The following TRAPPC9 variants were observed in gnomAD, a reference collection of about 807,000 sequenced individuals.
The protein encoded by TRAPPC9 is trafficking protein particle complex subunit 9, also known as IKK2 binding protein.
Under a neutral mutation model 124.0 loss-of-function variants are expected in TRAPPC9, and 83 were observed. That is an observed-to-expected ratio of 0.67 (90% CI 0.56 to 0.80). The LOEUF (loss-of-function observed/expected upper bound fraction) is 0.80. TRAPPC9 is among the 30% of genes least tolerant of loss of function. The probability of loss-of-function intolerance (pLI) is 0.00; values close to 1 mark genes in which losing one functional copy is unlikely to be tolerated. For synonymous variants in TRAPPC9, 638 were observed against 617.5 expected, an observed-to-expected ratio of 1.03 and a Z score of -0.49; for missense variants, 1,302 against 1,508.3, an observed-to-expected ratio of 0.86 and a Z score of 2.27.
intron 17 of TRAPPC9, among the ~76,000 whole-genome samples, chr8:140,144,841 A>G (rs1335309139): frequency 6.6e-6 from 1 of 151,666 alleles, no homozygotes; most frequent in African/African-American, 2.4e-5. Flanking sequence ...TTACTAATTT[A>G]TGTTGAATAG....
chr8:139,806,789 C>T (rs1824097033), intron 21 of TRAPPC9, among the ~76,000 whole-genome samples: 1 of 152,394 alleles, frequency 6.6e-6, no homozygotes, highest in East Asian at 1.9e-4. Context: ...TGCATCAAAG[C>T]TGCACCCTTT....
intron 17 of TRAPPC9, among the ~76,000 whole-genome samples, chr8:140,201,808 G>T (rs1171714965): frequency 6.6e-6 from 1 of 152,190 alleles, no homozygotes; most frequent in African/African-American, 2.4e-5. Context: ...GCCAGGGACT[G>T]GGAGAGGCTG....
chr8:140,207,530 GTT>G (rs1431871735), intron 17 of TRAPPC9, among the ~76,000 whole-genome samples: 1 of 152,158 alleles, frequency 6.6e-6, no homozygotes, highest in Admixed American at 6.5e-5. Flanking sequence ...CCACTGTCTG[GTT>G]TTTTTCCTAC....
intron 16 of TRAPPC9, among the ~76,000 whole-genome samples, chr8:140,234,564 A>AGAG (rs2063684397): frequency 6.6e-6 from 1 of 152,256 alleles, no homozygotes; most frequent in Non-Finnish European, 1.5e-5. Context: ...TGAGGAAGAC[A>AGAG]GAGAAAAAAA....
chr8:140,275,174 C>T (rs1275780186), intron 15 of TRAPPC9, among the ~76,000 whole-genome samples: 1 of 152,158 alleles, frequency 6.6e-6, no homozygotes. Flanking sequence ...GAAATCGAGG[C>T]ACAGGAGTAA....
intron 9 of TRAPPC9, 48 bp downstream of exon 9, chr8:140,360,002 T>G (rs1226466388): frequency 6.2e-7 from 1 of 1,613,168 alleles, no homozygotes; most frequent in Admixed American, 1.7e-5. Context: ...TAAAGTGCTC[T>G]CATTCACAGT....
chr8:139,747,757 G>T (rs1481291326), intron 21 of TRAPPC9, among the ~76,000 whole-genome samples: 2 of 70,862 alleles, frequency 2.8e-5, no homozygotes, highest in Non-Finnish European at 2.6e-5. Flanking sequence ...GATGCAGGGG[G>T]TATACACAGC....
chr8:140,413,349 T>C (rs1378789641), intron 5 of TRAPPC9, among the ~76,000 whole-genome samples: 7 of 151,898 alleles, frequency 4.6e-5, no homozygotes, highest in Non-Finnish European at 1.0e-4. Context: ...AGATCACACA[T>C]TGCACTCCAG....
intron 7 of TRAPPC9, among the ~76,000 whole-genome samples, chr8:140,389,529 T>A (rs1014178725): frequency 1.3e-5 from 2 of 152,188 alleles, no homozygotes; most frequent in African/African-American, 4.8e-5. Context: ...TGACTCCACT[T>A]CATGCATCCA....
In TRAPPC9 at chr8:140,274,559, G is replaced by A. The variant is rs186016409; in HGVS notation, c.2278+1099C>T. On this transcript the variant is annotated intron_variant, in intron 15 of 22. Coordinates refer to ENST00000438773, the MANE Select transcript of TRAPPC9 (RefSeq NM_001160372.4). ...ATCAAAATCAGTGGAAGAAATATGG[G>A]AATACAAGATACCCTGAAATTCTCC... is the stretch of plus-strand genomic sequence containing the variant. Among the ~76,000 whole-genome samples the A allele has an allele frequency of 2.3e-3, 353 of 152,314 alleles. 2 individuals carry two copies. Among genetic ancestry groups the A allele is most frequent in the Non-Finnish European group, 3.2e-3 (216 of 68,028 alleles).
intron 22 of TRAPPC9, among the ~76,000 whole-genome samples, chr8:139,731,748 G>A (rs1817838603): frequency 6.6e-6 from 1 of 152,172 alleles, no homozygotes; most frequent in African/African-American, 2.4e-5. Flanking sequence ...ACATTTTCCT[G>A]CTTCACCAAC....
At chr8:140,095,365 C>T (rs1421132655) in intron 17 of TRAPPC9, 1 of 152,250 alleles carries the variant, frequency 6.6e-6, no homozygotes, top group African/African-American at 2.4e-5. Context: ...AAGGCTCTTC[C>T]AGCAGAGCTG....
At chr8:140,364,292 C>CAAAA (rs34616334) in intron 8 of TRAPPC9, among the ~76,000 whole-genome samples, 120 of 52,958 alleles carry the variant, frequency 2.3e-3, no homozygotes, top group East Asian at 0.021. Flanking sequence ...TCAAAGGATG[C>CAAAA]AAAAAAAAAA....
At chr8:139,864,362 G>A (rs536342684) in intron 21 of TRAPPC9, among the ~76,000 whole-genome samples, 55 of 152,342 alleles carry the variant, frequency 3.6e-4, no homozygotes, top group African/African-American at 1.1e-3. Flanking sequence ...AGATGAAGGC[G>A]CCAGGGGTTA....
At chr8:140,014,170 C>T (rs1839314858) in intron 18 of TRAPPC9, among the ~76,000 whole-genome samples, 1 of 152,082 alleles carries the variant, frequency 6.6e-6, no homozygotes, top group African/African-American at 2.4e-5. Flanking sequence ...ACCCCACGCC[C>T]CGCTCAGAGG....
intron 16 of TRAPPC9, among the ~76,000 whole-genome samples, chr8:140,222,168 C>T (rs565278845): frequency 1.3e-5 from 2 of 152,252 alleles, no homozygotes; most frequent in South Asian, 2.1e-4. Context: ...CCCCTCCCTT[C>T]GTGCAGCCAG....
At position 139,825,210 on chromosome 8, in the gene TRAPPC9, A is replaced by T. The variant is rs553293341; in HGVS notation, c.3055+60669T>A. Reference sequence around the variant, plus strand: ...GGCCTCAAGGCAGAGCTAGAGCCCAACAGGGCAGCCCACGCAGGGTGGGCA... The same window carrying T: ...GGCCTCAAGGCAGAGCTAGAGCCCATCAGGGCAGCCCACGCAGGGTGGGCA... On this transcript the variant is annotated intron_variant, in intron 21 of 22. Transcript: ENST00000438773. The surrounding 1 kb of genome is among the most constrained non-coding windows in gnomAD (Gnocchi z 4.6). Among the ~76,000 whole-genome samples the T allele has an allele frequency of 5.3e-4, 81 of 152,338 alleles. No homozygotes were observed. Among genetic ancestry groups the T allele is most frequent in the African/African-American group, 1.9e-3 (81 of 41,592 alleles).
chr8:139,758,728 C>A (rs1820022756), intron 21 of TRAPPC9, among the ~76,000 whole-genome samples: 1 of 152,206 alleles, frequency 6.6e-6, no homozygotes, highest in Admixed American at 6.5e-5. Flanking sequence ...GCTGAGGAAG[C>A]TTTCCTAGCT....
intron 17 of TRAPPC9, among the ~76,000 whole-genome samples, chr8:140,034,209 G>A (rs750520596): frequency 5.9e-5 from 9 of 152,246 alleles, no homozygotes; most frequent in Non-Finnish European, 1.2e-4. Context: ...TGCTTGCTAA[G>A]TAGAATTACA....
Sources: gnomAD v4.1 joint callset for allele counts (sites outside exome capture counted in the v4.1 genomes callset) on GRCh38, gnomAD v4.1.1 for gene constraint, Gnocchi (gnomAD v3.1) non-coding constraint, MANE v1.5 for transcripts, NCBI Gene and HGNC (gene_info 2026-07-23, HGNC 2026-07-21) for gene names.